The following ABTB3 variants were observed in gnomAD, a reference collection of about 807,000 sequenced individuals.
ABTB3 encodes ankyrin repeat and BTB domain containing 3.
chr12:107,502,067 C>CTT, the ABTB3 span, among the ~76,000 whole-genome samples: 38 of 140,528 alleles, frequency 2.7e-4, no homozygotes, highest in African/African-American at 5.8e-4. Flanking sequence ...GGCATTGGTA[C>CTT]TTTTTTTTTT....
At chr12:107,618,268 C>G in the ABTB3 span, 2 of 1,613,656 alleles carry the variant, frequency 1.2e-6, no homozygotes, top group Middle Eastern at 3.3e-4. Flanking sequence ...GCCCCGCCCC[C>G]CTTGTGCGCC....
chr12:107,429,807 C>T, the ABTB3 span, among the ~76,000 whole-genome samples: 30 of 152,340 alleles, frequency 2.0e-4, no homozygotes, highest in Middle Eastern at 3.4e-3. Context: ...TTTGCAATGT[C>T]TGACATTGGT....
the ABTB3 span, among the ~76,000 whole-genome samples, chr12:107,329,396 G>A: frequency 4.1e-4 from 63 of 152,280 alleles, no homozygotes; most frequent in African/African-American, 1.3e-3. Flanking sequence ...AGAAAATGTC[G>A]TTGAGAGAAT....
the ABTB3 span, among the ~76,000 whole-genome samples, chr12:107,568,690 T>C: frequency 1.3e-5 from 2 of 152,356 alleles, no homozygotes; most frequent in South Asian, 4.1e-4. Flanking sequence ...TATTGGAAGC[T>C]ACCCTCGTGG....
the ABTB3 span, among the ~76,000 whole-genome samples, chr12:107,577,651 C>T: frequency 6.6e-6 from 1 of 152,120 alleles, no homozygotes; most frequent in Non-Finnish European, 1.5e-5. Context: ...TATACCTCTC[C>T]TAACACCACA....
the ABTB3 span, among the ~76,000 whole-genome samples, chr12:107,443,916 G>T: frequency 3.3e-3 from 505 of 152,290 alleles, 2 homozygotes; most frequent in African/African-American, 9.5e-3. Flanking sequence ...ACAGACTCAA[G>T]ACCAAAGGCC....
At chr12:107,635,616 T>C in the ABTB3 span, among the ~76,000 whole-genome samples, 1 of 152,052 alleles carries the variant, frequency 6.6e-6, no homozygotes, top group Non-Finnish European at 1.5e-5. Context: ...AGGGACTTTC[T>C]CCCCTAGACA....
At chr12:107,404,337 C>G in the ABTB3 span, among the ~76,000 whole-genome samples, 1 of 152,080 alleles carries the variant, frequency 6.6e-6, no homozygotes, top group African/African-American at 2.4e-5. Context: ...GAACTTGCTT[C>G]CACAGCAAAA....
At chr12:107,484,963 G>A in the ABTB3 span, among the ~76,000 whole-genome samples, 1 of 152,152 alleles carries the variant, frequency 6.6e-6, no homozygotes, top group Non-Finnish European at 1.5e-5. Context: ...TGTCTGCAAT[G>A]CCCATTGGAC....
the ABTB3 span, among the ~76,000 whole-genome samples, chr12:107,433,881 G>A: frequency 9.4e-4 from 143 of 152,268 alleles, 1 homozygote; most frequent in African/African-American, 3.2e-3. Context: ...GGGATCAGTC[G>A]GGTTCTAGCC....
chr12:107,657,565 GATGGTCCTC>G, the ABTB3 span: 2 of 1,614,228 alleles, frequency 1.2e-6, no homozygotes, highest in Non-Finnish European at 1.7e-6. Flanking sequence ...TCAAAAACAT[GATGGTCCTC>G]ATTGAAAACG....
At chr12:107,599,154 A>G in the ABTB3 span, among the ~76,000 whole-genome samples, 2 of 152,210 alleles carry the variant, frequency 1.3e-5, no homozygotes, top group Non-Finnish European at 2.9e-5. Context: ...CCTGCATTTC[A>G]GATGGCTGCC....
chr12:107,510,217 C>T, the ABTB3 span, among the ~76,000 whole-genome samples: 2 of 152,112 alleles, frequency 1.3e-5, no homozygotes, highest in Non-Finnish European at 2.9e-5. Context: ...TGCCAGGACC[C>T]CCCCACCCTT....
chr12:107,333,513 T>C, the ABTB3 span, among the ~76,000 whole-genome samples: 3 of 151,420 alleles, frequency 2.0e-5, no homozygotes, highest in African/African-American at 7.3e-5. Flanking sequence ...CTCAGGCAAG[T>C]GACTTAACCT....
chr12:107,390,850 G>A, the ABTB3 span, among the ~76,000 whole-genome samples: 1 of 152,200 alleles, frequency 6.6e-6, no homozygotes, highest in Non-Finnish European at 1.5e-5. Context: ...CACTTTCCAT[G>A]AATTAATTTA....
chr12:107,561,561 G>A, the ABTB3 span, among the ~76,000 whole-genome samples: 4 of 152,156 alleles, frequency 2.6e-5, no homozygotes, highest in Non-Finnish European at 4.4e-5. Context: ...GGACTGCCCT[G>A]GAAAGTCAGG....
At chr12:107,635,449 C>A in the ABTB3 span, 3 of 1,502,944 alleles carry the variant, frequency 2.0e-6, no homozygotes, top group Non-Finnish European at 2.8e-6. Flanking sequence ...GACGAGGAGC[C>A]AAAGAATGCC....
the ABTB3 span, among the ~76,000 whole-genome samples, chr12:107,369,522 T>C: frequency 6.6e-6 from 1 of 151,068 alleles, no homozygotes; most frequent in Non-Finnish European, 1.5e-5. Context: ...CCCAGCCTCC[T>C]GGGTAGCTGG....
the ABTB3 span, chr12:107,651,601 AC>A: frequency 9.9e-7 from 1 of 1,013,512 alleles, no homozygotes; most frequent in East Asian, 2.5e-5. Flanking sequence ...CTGTCTCACC[AC>A]TATAGTTCCT....
Sources: allele counts gnomAD v4.1 joint callset (sites outside exome capture counted in the v4.1 genomes callset), GRCh38; gene constraint gnomAD v4.1.1; transcripts MANE v1.5; gene names NCBI Gene and HGNC (gene_info 2026-07-23, HGNC 2026-07-21).